The following ANGPTL6 variants were observed in gnomAD, a reference collection of about 807,000 sequenced individuals.
ANGPTL6 encodes angiopoietin like 6.
In ANGPTL6, 45 loss-of-function variants were observed where a neutral mutation model predicts 47.4. The ratio of observed to expected loss-of-function variants is 0.95; its 90% CI spans 0.75 to 1.22. ANGPTL6 has a LOEUF of 1.22. ANGPTL6 is among the 50% of genes most tolerant of loss of function. ANGPTL6 has a pLI of 0.00. For missense variants in ANGPTL6, 698 were observed against 669.4 expected (o/e 1.04, Z -0.47); for synonymous variants, 290 against 295.9 (o/e 0.98, Z 0.20).
chr19:10,100,643 T>C (rs1269620907), intron 1 of ANGPTL6, among the ~76,000 whole-genome samples: 1 of 152,232 alleles, frequency 6.6e-6, no homozygotes, highest in Non-Finnish European at 1.5e-5. Context: ...TGAGTGCCTA[T>C]TGTGTGCCAG....
chr19:10,099,851 CTT>C (rs1491564169), intron 1 of ANGPTL6, among the ~76,000 whole-genome samples: 3 of 144,648 alleles, frequency 2.1e-5, no homozygotes, highest in South Asian at 2.2e-4. Context: ...CTCTTTCTCT[CTT>C]TCTCTCTCTC....
chr19:10,103,503 T>C (rs1391204423), upstream of ANGPTL6, among the ~76,000 whole-genome samples: 1 of 151,384 alleles, frequency 6.6e-6, no homozygotes, highest in African/African-American at 2.4e-5. Flanking sequence ...GGCAGGAGAA[T>C]TGCTTGAAGC....
chr19:10,095,906 G>A (rs2088516253), intron 2 of ANGPTL6, 76 bp downstream of exon 2: 2 of 912,680 alleles, frequency 2.2e-6, no homozygotes, highest in South Asian at 4.9e-5. Context: ...TTTCAGAACT[G>A]TGGATAAGAG....
intron 1 of ANGPTL6, among the ~76,000 whole-genome samples, chr19:10,100,828 C>T (rs556089070): frequency 1.3e-5 from 2 of 152,100 alleles, no homozygotes; most frequent in South Asian, 4.2e-4. Flanking sequence ...GGTGACAGTC[C>T]CGGAGGTGGG....
intron 1 of ANGPTL6, among the ~76,000 whole-genome samples, chr19:10,100,967 G>A (rs1211413272): frequency 6.6e-6 from 1 of 151,878 alleles, no homozygotes; most frequent in African/African-American, 2.4e-5. Flanking sequence ...CCAGCACTTT[G>A]GGAGGCTGAG....
upstream of ANGPTL6, among the ~76,000 whole-genome samples, chr19:10,105,072 G>A (rs979246669): frequency 6.6e-5 from 10 of 152,202 alleles, no homozygotes; most frequent in East Asian, 1.9e-4. Context: ...AGGCCCCACC[G>A]ACGACCAGCC....
chr19:10,095,984 G>A lies in ANGPTL6; in HGVS notation c.580C>T (p.Gln194Ter). 1.5e-6 allele frequency: 2 copies of A among 1,325,584 alleles called. No individual in the cohort carries two copies. The highest frequency in any genetic ancestry group is 1.9e-6 in the Non-Finnish European group (2 of 1,034,440). 82.1% of individuals were successfully genotyped at this position (1,325,584 alleles called of 1,614,324 possible). The change falls in exon 2 of 6, where the codon CAG (glutamine) becomes TAG (stop). Residue 194 changes from glutamine (Q) to a stop codon, truncating the protein, a stop_gained and splice_region_variant. Transcript: ENST00000253109. LOFTEE classifies it high-confidence loss of function. Reference protein sequence around the residue: ...LCPGGAGGQQQVLPPPPLVPV... With the variant: ...LCPGGAGGQQ ...CTCCGGGGAGGCTGCGAGGTTACCT[G>A]CTGCTGCCCGCCCGCGCCTCCCGGG... is the stretch of plus-strand genomic sequence containing the variant.
chr19:10,100,055 C>A (rs1245064200), intron 1 of ANGPTL6, among the ~76,000 whole-genome samples: 1 of 150,252 alleles, frequency 6.7e-6, no homozygotes, highest in Non-Finnish European at 1.5e-5. Context: ...AGACAGGGTG[C>A]CTGATCAACA....
At chr19:10,104,317 GGTGT>G (rs1555757453), upstream of ANGPTL6, among the ~76,000 whole-genome samples, 705 of 118,026 alleles carry the variant, frequency 6.0e-3, 1 homozygote, top group Middle Eastern at 0.018. Flanking sequence ...TTGTGTGTGT[GGTGT>G]GTGTGTGTGT....
intron 5 of ANGPTL6, 93 bp from the exon 6 acceptor site, chr19:10,092,872 C>A: frequency 9.2e-7 from 1 of 1,082,178 alleles, no homozygotes; most frequent in Non-Finnish European, 1.3e-6. Context: ...CATCCCCTGG[C>A]CCCTCCCATT....
At position 10,096,037 on chromosome 19, in the gene ANGPTL6, C is replaced by A; in HGVS notation, c.527G>T (p.Ser176Ile). ...CAGGCGCTCCAGGCGGGCGATGAGACTGCTCTGCTGGGTGACGAGCTGCGC... is the reference window on the plus strand; with the variant it reads ...CAGGCGCTCCAGGCGGGCGATGAGAATGCTCTGCTGGGTGACGAGCTGCGC... The part of the protein sequence containing the change: ...ELAQLVTQQS[S>I]LIARLERLCP... The change falls in exon 2 of 6, where the codon AGT (serine) becomes ATT (isoleucine). Residue 176 changes from serine (S) to isoleucine (I), a missense_variant. Transcript: ENST00000253109. The A allele has an allele frequency of 1.4e-6, 2 of 1,417,470 alleles. No individual in the cohort carries two copies. Among genetic ancestry groups the A allele is most frequent in the Non-Finnish European group, 1.8e-6 (2 of 1,083,382 alleles). The allele number at this position is 1,417,470 out of a possible 1,614,324, so 87.8% of individuals were successfully genotyped here.
chr19:10,099,921 G>GCAATCT (rs1261060103), intron 1 of ANGPTL6, among the ~76,000 whole-genome samples: 4 of 137,502 alleles, frequency 2.9e-5, no homozygotes, highest in African/African-American at 1.1e-4. Flanking sequence ...GTCTCGCTCT[G>GCAATCT]CAATCTCAGC....
At position 10,095,994 on chromosome 19, in the gene ANGPTL6, G is replaced by C. The variant is rs1010361604; in HGVS notation, c.570C>G (p.Gly190=). The change falls in exon 2 of 6, where the codon GGC becomes GGG. Residue 190 remains glycine (G), a synonymous_variant. Transcript: ENST00000253109. ...RLERLCPGGA[G]GQQQVLPPPP... is the part of the protein sequence containing the mutation. ...GCTGCGAGGTTACCTGCTGCTGCCC[G>C]CCCGCGCCTCCCGGGCACAGGCGCT... 4 of 1,337,038 alleles carry C rather than the reference G, an allele frequency of 3.0e-6. No individual in the cohort carries two copies. Among genetic ancestry groups the C allele is most frequent in the African/African-American group, 1.5e-5 (1 of 66,548 alleles). The allele number at this position is 1,337,038 out of a possible 1,614,324, so 82.8% of individuals were successfully genotyped here. A position where few individuals can be genotyped will look rare whatever the true frequency, so the allele number is the denominator to read the frequency against.
In ANGPTL6 at chr19:10,092,560, T is replaced by C. The variant is rs576502082; in HGVS notation, c.*29A>G. On this transcript the variant is annotated 3_prime_UTR_variant, in exon 6 of 6. Transcript: ENST00000253109. Reference sequence around the variant, plus strand: ...TGGGCTCCTGCTGACCAATGTCCTCTAGGGCCTAGGGGACAGAGGAACACA... The same window carrying C: ...TGGGCTCCTGCTGACCAATGTCCTCCAGGGCCTAGGGGACAGAGGAACACA... 6.3e-7 allele frequency: 1 copy of C among 1,577,798 alleles called. No individual in the cohort carries two copies. Among genetic ancestry groups the C allele is most frequent in the East Asian group, 2.3e-5 (1 of 44,366 alleles).
chr19:10,096,965 G>A (rs2088562649), intron 1 of ANGPTL6, among the ~76,000 whole-genome samples: 1 of 151,652 alleles, frequency 6.6e-6, no homozygotes, highest in Non-Finnish European at 1.5e-5. Context: ...CAGACGTGGT[G>A]GTGCACACCT....
In ANGPTL6 at chr19:10,093,407, AAGAG is replaced by A. The variant is rs1160508880; in HGVS notation, c.1160_1163del (p.Ser387PhefsTer81). The A allele has an allele frequency of 6.2e-7, 1 of 1,614,052 alleles. No homozygotes were observed. The highest frequency in any genetic ancestry group is 8.5e-7 in the Non-Finnish European group (1 of 1,180,038). ...TGAAGGGCTTGTCATTGTGCCAGGA[AAGAG>A]AGTCTCCAGCATCACCATGGTACTG... On this transcript the variant is annotated frameshift_variant, in exon 5 of 6. Coordinates refer to ENST00000253109, the MANE Select transcript of ANGPTL6 (RefSeq NM_031917.3). LOFTEE classifies it high-confidence loss of function.
chr19:10,096,429 G>C lies in ANGPTL6; in HGVS notation c.135C>G (p.Ser45Arg). The C allele has an allele frequency of 7.4e-7, 1 of 1,356,502 alleles. No individual in the cohort carries two copies. The highest frequency in any genetic ancestry group is 9.4e-7 in the Non-Finnish European group (1 of 1,058,424). 84.0% of individuals were successfully genotyped at this position (1,356,502 alleles called of 1,614,324 possible). A position where few individuals can be genotyped will look rare whatever the true frequency, so the allele number is the denominator to read the frequency against. ...GCGTCGCCCGCGTGGATGCGGGGCC[G>C]CTCCAGCACACAGCGCCCGTGAACT... ...PQKFTGAVCWSGPASTRATPE... is the reference protein window; with the variant it reads ...PQKFTGAVCWRGPASTRATPE... The change falls in exon 2 of 6, where the codon AGC becomes AGG. Residue 45 changes from serine to arginine, a missense_variant. Physicochemically the swap from Ser to Arg is moderately radical, Grantham distance 110. Transcript: ENST00000253109.
At position 10,095,920 on chromosome 19, in the gene ANGPTL6, G is replaced by T. The variant is rs1045140673; in HGVS notation, c.582+62C>A. ...ATTTCAGAACTGTGGATAAGAGATC[G>T]TGGGGTTGCAAAACCCCCATTTCAC... On this transcript the variant is annotated intron_variant, in intron 2 of 5. Coordinates refer to ENST00000253109, the MANE Select transcript of ANGPTL6 (RefSeq NM_031917.3). 8 of 975,252 alleles carry T rather than the reference G, an allele frequency of 8.2e-6. No individual in the cohort carries two copies. In the East Asian group the frequency reaches 2.3e-4, roughly 28 times the overall value. The allele number at this position is 975,252 out of a possible 1,614,324, so 60.4% of individuals were successfully genotyped here.
At chr19:10,095,199 G>A (rs913272965) in intron 2 of ANGPTL6, among the ~76,000 whole-genome samples, 1 of 152,198 alleles carries the variant, frequency 6.6e-6, no homozygotes, top group Admixed American at 6.5e-5. Context: ...CCTGAGGTCA[G>A]GAGTTCGAGA....
Sources: gnomAD v4.1 joint callset for allele counts (sites outside exome capture counted in the v4.1 genomes callset) on GRCh38, gnomAD v4.1.1 for gene constraint, MANE v1.5 for transcripts, NCBI Gene and HGNC (gene_info 2026-07-23, HGNC 2026-07-21) for gene names.